Variants in CNTNAP3 observed in about 807,000 individuals in gnomAD.
The protein encoded by CNTNAP3 is contactin associated protein family member 3.
A neutral mutation model predicts 92.1 loss-of-function variants in CNTNAP3; 36 were observed. The observed-to-expected ratio is 0.39, with a 90% CI of 0.30 to 0.52. The LOEUF (loss-of-function observed/expected upper bound fraction) is 0.52. Among genes scored for constraint, CNTNAP3 ranks in the 20% least tolerant of loss-of-function variants. The pLI is 0.76. For missense variants in CNTNAP3, 534 were observed against 1,069.6 expected (o/e 0.50, Z 6.98); for synonymous variants, 232 against 422.3 (o/e 0.55, Z 5.53).
At chr9:39,107,274 AAG>A (rs1168345383) in intron 15 of CNTNAP3, among the ~76,000 whole-genome samples, 1 of 152,026 alleles carries the variant, frequency 6.6e-6, no homozygotes, top group Non-Finnish European at 1.5e-5. Flanking sequence ...AAAGAAAAGA[AAG>A]AGAGAGAAAG....
At chr9:39,122,486 C>G (rs1821053253) in intron 13 of CNTNAP3, among the ~76,000 whole-genome samples, 1 of 152,168 alleles carries the variant, frequency 6.6e-6, no homozygotes, top group Admixed American at 6.5e-5. Context: ...AAAGAGCTGT[C>G]AATTTTAGAC....
In CNTNAP3 at chr9:39,113,104, T is replaced by C. The variant is rs1412367; in HGVS notation, c.2238-3817A>G. ...GCTGTCCTGTGCACTGTAGGATGCT[T>C]AGCAGCACCCTGATTTCTAATTAAT... On this transcript the variant is annotated intron_variant, in intron 14 of 23. Coordinates refer to ENST00000297668, the MANE Select transcript of CNTNAP3 (RefSeq NM_033655.5). Among the ~76,000 whole-genome samples the C allele has an allele frequency of 3.2e-4, 48 of 152,242 alleles. No individual in the cohort carries two copies. In the East Asian group the frequency reaches 4.8e-3, roughly 15 times the overall value.
chr9:39,149,201 T>G (rs1438304595), intron 10 of CNTNAP3, among the ~76,000 whole-genome samples: 2 of 152,172 alleles, frequency 1.3e-5, no homozygotes, highest in East Asian at 3.8e-4. Context: ...ATCATCCAAC[T>G]GATGGGTGTG....
chr9:39,139,298 T>C (rs1821515152), intron 12 of CNTNAP3, among the ~76,000 whole-genome samples: 1 of 152,170 alleles, frequency 6.6e-6, no homozygotes, highest in Non-Finnish European at 1.5e-5. Context: ...TCTTTTGATA[T>C]CCACCAAGAC....
At position 39,067,664 on chromosome 9, in the gene CNTNAP3, G is replaced by A. The variant is rs1825539197; in HGVS notation, c.*6226C>T. Among the ~76,000 whole-genome samples, 1 of 152,308 alleles carries A rather than the reference G, an allele frequency of 6.6e-6. No homozygotes were observed. Among genetic ancestry groups the A allele is most frequent in the African/African-American group, 2.4e-5 (1 of 41,488 alleles). On this transcript the variant is annotated 3_prime_UTR_variant, in exon 24 of 24. Coordinates refer to ENST00000297668, the MANE Select transcript of CNTNAP3 (RefSeq NM_033655.5). Reference sequence around the variant, plus strand: ...GCCTGCCTCGACCTCCCAAAGTGCTGGGATTACAGGCATGAGCCACTGTGC... The same window carrying A: ...GCCTGCCTCGACCTCCCAAAGTGCTAGGATTACAGGCATGAGCCACTGTGC...
chr9:39,090,549 T>A (rs1209331972), intron 18 of CNTNAP3, among the ~76,000 whole-genome samples: 1 of 152,310 alleles, frequency 6.6e-6, no homozygotes, highest in Non-Finnish European at 1.5e-5. Context: ...GGTATCTATC[T>A]GGACTTTCAA....
chr9:39,131,662 C>T (rs1821296774), intron 13 of CNTNAP3, among the ~76,000 whole-genome samples: 1 of 152,168 alleles, frequency 6.6e-6, no homozygotes, highest in Admixed American at 6.5e-5. Context: ...CCCGTCTCTA[C>T]TAAAAATACA....
In CNTNAP3 at chr9:39,260,640, G is replaced by A. The variant is rs1253355834; in HGVS notation, c.196+6256C>T. On this transcript the variant is annotated intron_variant, in intron 2 of 23. Coordinates refer to ENST00000297668, the MANE Select transcript of CNTNAP3 (RefSeq NM_033655.5). The stretch of plus-strand genomic sequence containing the variant: ...TGGGAGGCTGAGGCAGGAGAATGGC[G>A]TGAACCTGGGAGGTGGCGCTTGCAG... 2.3e-4 allele frequency among the ~76,000 whole-genome samples: 5 copies of A among 21,448 alleles called. 2 individuals carry two copies. The highest frequency in any genetic ancestry group is 5.2e-4 in the African/African-American group (5 of 9,568). 14.1% of individuals were successfully genotyped at this position (21,448 alleles called of 152,430 possible). A position where few individuals can be genotyped will look rare whatever the true frequency, so the allele number is the denominator to read the frequency against.
chr9:39,119,391 A>G (rs1382549079), intron 13 of CNTNAP3, among the ~76,000 whole-genome samples: 1 of 150,740 alleles, frequency 6.6e-6, no homozygotes, highest in African/African-American at 2.4e-5. Context: ...GGGAAAATTT[A>G]AAGAGGAATT....
At chr9:39,125,617 GA>G (rs1268178092) in intron 13 of CNTNAP3, among the ~76,000 whole-genome samples, 3 of 152,152 alleles carry the variant, frequency 2.0e-5, no homozygotes, top group Non-Finnish European at 4.4e-5. Flanking sequence ...ATAGCAGGTA[GA>G]TTTGAAGAGC....
At chr9:39,143,785 G>C (rs551935110) in intron 11 of CNTNAP3, among the ~76,000 whole-genome samples, 1 of 152,208 alleles carries the variant, frequency 6.6e-6, no homozygotes, top group East Asian at 1.9e-4. Flanking sequence ...ACAATCCCAT[G>C]ATTGCATCAT....
chr9:39,121,473 G>A (rs1368642480), intron 13 of CNTNAP3, among the ~76,000 whole-genome samples: 1 of 152,108 alleles, frequency 6.6e-6, no homozygotes, highest in Non-Finnish European at 1.5e-5. Flanking sequence ...GAAAAAAGCT[G>A]CACTAACTAA....
chr9:39,130,671 C>T (rs1821265398), intron 13 of CNTNAP3, among the ~76,000 whole-genome samples: 1 of 151,912 alleles, frequency 6.6e-6, no homozygotes, highest in African/African-American at 2.4e-5. Context: ...AGCCTGGCTA[C>T]TTTTTTGTAT....
At position 39,132,934 on chromosome 9, in the gene CNTNAP3, C is replaced by A; in HGVS notation, c.2078G>T (p.Arg693Leu). The A allele has an allele frequency of 1.3e-6, 2 of 1,543,852 alleles. No individual in the cohort carries two copies. The highest frequency in any genetic ancestry group is 2.3e-5 in the South Asian group (2 of 85,120). The change falls in exon 13 of 24, where the codon CGA becomes CTA. Residue 693 changes from arginine (R) to leucine (L), a missense_variant and splice_region_variant. By Grantham distance (102) the Arg-to-Leu change is moderately radical. Transcript: ENST00000297668. ...TAGCCTCCAGGAGTGGCGCTTACCT[C>A]GTGAGTCCGGGCGCCGCGCCGTCCC... ...RCGTARRPDS[R>L]DGTPLSWWVG...
At position 39,065,447 on chromosome 9, in the gene CNTNAP3, A is replaced by G. The variant is rs1236680636; in HGVS notation, c.*8443T>C. ...AAAGATGCTATAAACGTTCTTGTGT[A>G]AGTCTTATAATGGGCATAAGTTTTC... On this transcript the variant is annotated 3_prime_UTR_variant, in exon 24 of 24. Coordinates refer to ENST00000297668, the MANE Select transcript of CNTNAP3 (RefSeq NM_033655.5). Among the ~76,000 whole-genome samples, 1 of 151,914 alleles carries G rather than the reference A, an allele frequency of 6.6e-6. No individual in the cohort carries two copies. Among genetic ancestry groups the G allele is most frequent in the Non-Finnish European group, 1.5e-5 (1 of 67,980 alleles).
chr9:39,130,065 T>C (rs548318258), intron 13 of CNTNAP3, among the ~76,000 whole-genome samples: 17 of 152,300 alleles, frequency 1.1e-4, no homozygotes, highest in African/African-American at 4.1e-4. Context: ...ACAACCATTC[T>C]AGAAAACAAT....
At chr9:39,104,087 G>T (rs1003137670) in intron 15 of CNTNAP3, among the ~76,000 whole-genome samples, 173 bp from the exon 16 acceptor site, 1 of 152,132 alleles carries the variant, frequency 6.6e-6, no homozygotes, top group African/African-American at 2.4e-5. Flanking sequence ...AGAGCTAAAT[G>T]GTGATTATGG....
chr9:39,094,200 T>C (rs1186825347), intron 18 of CNTNAP3, among the ~76,000 whole-genome samples: 1 of 151,624 alleles, frequency 6.6e-6, no homozygotes, highest in African/African-American at 2.4e-5. Flanking sequence ...TCAAGTCCTT[T>C]GTCCAATTAG....
At chr9:39,132,117 C>A (rs1409700572) in intron 13 of CNTNAP3, among the ~76,000 whole-genome samples, 1 of 151,962 alleles carries the variant, frequency 6.6e-6, no homozygotes, top group Non-Finnish European at 1.5e-5. Flanking sequence ...ACTTCCTGGG[C>A]TCCAGTGATC....
Sources: gnomAD v4.1 joint callset for allele counts (sites outside exome capture counted in the v4.1 genomes callset) on GRCh38, gnomAD v4.1.1 for gene constraint, MANE v1.5 for transcripts, NCBI Gene and HGNC (gene_info 2026-07-23, HGNC 2026-07-21) for gene names.